The following MGAM variants were observed in gnomAD, a reference collection of about 807,000 sequenced individuals.
The protein encoded by MGAM is maltase-glucoamylase.
In MGAM, 253 loss-of-function variants were observed where a neutral mutation model predicts 358.8. That is an observed-to-expected ratio of 0.71 (90% CI 0.64 to 0.78). The LOEUF (loss-of-function observed/expected upper bound fraction) is 0.78. Ranked by LOEUF, MGAM falls within the 30% of genes least tolerant of loss-of-function variation. The probability of loss-of-function intolerance (pLI) is 0.00; values close to 1 mark genes in which losing one functional copy is unlikely to be tolerated. For synonymous variants in MGAM, 1,105 were observed against 1,227.1 expected, an observed-to-expected ratio of 0.90 and a Z score of 2.08; for missense variants, 3,080 against 3,432.6, an observed-to-expected ratio of 0.90 and a Z score of 2.57.
At chr7:142,089,314 C>T (rs530589959) in intron 57 of MGAM, among the ~76,000 whole-genome samples, 1 of 146,610 alleles carries the variant, frequency 6.8e-6, no homozygotes, top group South Asian at 2.2e-4. Context: ...GGGCAGTGGG[C>T]AGGGATGCCC....
chr7:142,076,011 G>T (rs1026662423), intron 45 of MGAM, among the ~76,000 whole-genome samples, 192 bp from the exon 46 acceptor site: 16 of 146,052 alleles, frequency 1.1e-4, no homozygotes, highest in African/African-American at 3.4e-4. Flanking sequence ...AGCATTACTT[G>T]CAACAGCCAA....
In MGAM at chr7:142,080,457, G is replaced by A. The variant is rs550817119; in HGVS notation, c.5848-334G>A. ...ACACGTTATTTTTCAATTCAGAAAA[G>A]TTTTAAGGTATTTATATATTCTCAT... On this transcript the variant is annotated intron_variant, in intron 49 of 70. Transcript: ENST00000475668. Among the ~76,000 whole-genome samples the A allele has an allele frequency of 1.5e-4, 22 of 146,254 alleles. 4 individuals carry two copies. In the South Asian group the frequency reaches 4.8e-3, roughly 32 times the overall value.
At chr7:142,005,378 CA>C (rs1225692566) in intron 1 of MGAM, among the ~76,000 whole-genome samples, 150 bp from the exon 2 acceptor site, 2 of 151,952 alleles carry the variant, frequency 1.3e-5, no homozygotes, top group Admixed American at 6.6e-5. Context: ...ATGAATTGGC[CA>C]TGAGCTGATA....
intron 21 of MGAM, among the ~76,000 whole-genome samples, chr7:142,042,021 A>G (rs1808803386): frequency 4.4e-5 from 1 of 22,714 alleles, no homozygotes; most frequent in Non-Finnish European, 6.5e-5. Flanking sequence ...TATAATATAT[A>G]TATATTATAT....
chr7:142,029,013 T>C (rs1807217274), intron 10 of MGAM, among the ~76,000 whole-genome samples: 1 of 152,130 alleles, frequency 6.6e-6, no homozygotes, highest in Non-Finnish European at 1.5e-5. Flanking sequence ...GCAGGCAGTG[T>C]GCTACATGCC....
intron 67 of MGAM, among the ~76,000 whole-genome samples, chr7:142,100,536 A>C (rs1259291946): frequency 6.6e-6 from 1 of 152,262 alleles, no homozygotes; most frequent in East Asian, 1.9e-4. Flanking sequence ...AGGAAAAGAA[A>C]GAACCCAGTT....
At chr7:142,070,675 G>T (rs1813266458) in intron 43 of MGAM, among the ~76,000 whole-genome samples, 1 of 145,974 alleles carries the variant, frequency 6.9e-6, no homozygotes, top group African/African-American at 2.4e-5. Context: ...CCCTGCTCTA[G>T]TTGAGAACAT....
In MGAM at chr7:142,055,926, C is replaced by T. The variant is rs548910874; in HGVS notation, c.3484-74C>T. 196 of 1,491,258 alleles carry T rather than the reference C, an allele frequency of 1.3e-4. 4 individuals are homozygous for T. In the South Asian group the frequency reaches 2.2e-3, roughly 17 times the overall value. The allele number at this position is 1,491,258 out of a possible 1,614,324, so 92.4% of individuals were successfully genotyped here. On this transcript the variant is annotated intron_variant, in intron 28 of 70. Coordinates refer to ENST00000475668, the MANE Select transcript of MGAM (RefSeq NM_001365693.1). ...AGAAAACTAGAGCCATGTTAGCAAG[C>T]ACATTTTTGTTGAGTTTCTTTCTCA...
chr7:142,091,332 A>G (rs1044038609), intron 57 of MGAM, among the ~76,000 whole-genome samples: 2 of 145,820 alleles, frequency 1.4e-5, no homozygotes, highest in African/African-American at 4.9e-5. Flanking sequence ...CTGAAGAAAG[A>G]TGAAAATAAG....
At chr7:142,053,414 C>T (rs939955477) in intron 26 of MGAM, among the ~76,000 whole-genome samples, 5 of 152,022 alleles carry the variant, frequency 3.3e-5, no homozygotes, top group African/African-American at 1.2e-4. Flanking sequence ...TGGTATCTTG[C>T]ATCTTAATAT....
At chr7:142,096,440 G>A in intron 65 of MGAM, 25 bp downstream of exon 65, 4 of 1,612,346 alleles carry the variant, frequency 2.5e-6, no homozygotes, top group Non-Finnish European at 3.4e-6. Context: ...CTCCGATGAG[G>A]GGAGGATCCC....
intron 1 of MGAM, among the ~76,000 whole-genome samples, chr7:142,000,342 AG>A (rs1804633381): frequency 6.6e-6 from 1 of 152,174 alleles, no homozygotes; most frequent in Non-Finnish European, 1.5e-5. Context: ...GTTCTTTGCT[AG>A]AAATTTCCAT....
intron 41 of MGAM, 79 bp downstream of exon 41, chr7:142,066,800 C>A: frequency 6.9e-7 from 1 of 1,439,840 alleles, no homozygotes; most frequent in Non-Finnish European, 9.5e-7. Flanking sequence ...ATACACAACG[C>A]TTCCAAATTA....
At chr7:142,079,319 G>A (rs1489105409) in intron 49 of MGAM, among the ~76,000 whole-genome samples, 1 of 145,486 alleles carries the variant, frequency 6.9e-6, no homozygotes, top group African/African-American at 2.4e-5. Context: ...TGGAATGAAG[G>A]TGGAGAACAG....
rs1362042919 is a variant in MGAM at position 142,074,598 on chromosome 7, A to G, written c.5275+425A>G. On this transcript the variant is annotated intron_variant, in intron 45 of 70. Coordinates refer to ENST00000475668, the MANE Select transcript of MGAM (RefSeq NM_001365693.1). Reference sequence around the variant, plus strand: ...TACTCAGCTAGCCATACGTTTTAGCATATTTGTGGGTCCAGTATACTAACA... The same window carrying G: ...TACTCAGCTAGCCATACGTTTTAGCGTATTTGTGGGTCCAGTATACTAACA... Among the ~76,000 whole-genome samples, 20 of 146,304 alleles carry G rather than the reference A, an allele frequency of 1.4e-4. 4 individuals carry two copies. The highest frequency in any genetic ancestry group is 8.7e-4 in the South Asian group (4 of 4,590).
In MGAM at chr7:142,082,540, T is replaced by C; in HGVS notation, c.6237T>C (p.His2079=). The C allele has an allele frequency of 6.5e-7, 1 of 1,530,044 alleles. No homozygotes were observed. The highest frequency in any genetic ancestry group is 8.9e-7 in the Non-Finnish European group (1 of 1,119,528). The allele number at this position is 1,530,044 out of a possible 1,614,324, so 94.8% of individuals were successfully genotyped here. ...YMGLEEDGSA[H]GVLLLNSNAM... ...GGCTAGAGGAGGATGGCAGTGCCCA[T>C]GGAGTGCTCCTGCTGAACAGCAATG... Residue 2079 remains histidine (H), a synonymous_variant, in exon 52 of 71, where the codon CAT becomes CAC. Transcript: ENST00000475668.
At chr7:142,053,614 A>G (rs1165037688) in intron 26 of MGAM, among the ~76,000 whole-genome samples, 4 of 151,978 alleles carry the variant, frequency 2.6e-5, no homozygotes, top group Admixed American at 1.3e-4. Flanking sequence ...TGTGATGTCT[A>G]TTTTTCTATT....
chr7:142,067,986 A>ATATATATTT (rs1236775159), intron 42 of MGAM, among the ~76,000 whole-genome samples: 5 of 8,692 alleles, frequency 5.8e-4, no homozygotes, highest in African/African-American at 7.1e-4. Flanking sequence ...ATATATATAT[A>ATATATATTT]TTTTTTTTTT....
At chr7:142,090,192 G>C (rs4295577) in intron 57 of MGAM, among the ~76,000 whole-genome samples, 66,607 of 144,616 alleles carry the variant, frequency 0.46, 19,642 homozygotes, top group East Asian at 0.62. Context: ...GAGCCAGCAC[G>C]TTGGAGAACG....
Sources: allele counts gnomAD v4.1 joint callset (sites outside exome capture counted in the v4.1 genomes callset), GRCh38; gene constraint gnomAD v4.1.1; transcripts MANE v1.5; gene names NCBI Gene and HGNC (gene_info 2026-07-23, HGNC 2026-07-21).